The following NUP188 variants were observed in gnomAD, a reference collection of about 807,000 sequenced individuals.
The protein encoded by NUP188 is nucleoporin NUP188.
A neutral mutation model predicts 223.0 loss-of-function variants in NUP188; 97 were observed. The observed-to-expected ratio is 0.43, with a 90% CI of 0.37 to 0.51. The LOEUF (loss-of-function observed/expected upper bound fraction) is 0.51. NUP188 is among the 20% of genes least tolerant of loss of function. NUP188 has a pLI of 0.00. For missense variants in NUP188, 1,947 were observed against 2,175.6 expected, an observed-to-expected ratio of 0.89 and a Z score of 2.09; for synonymous variants, 869 against 828.0, an observed-to-expected ratio of 1.05 and a Z score of -0.85.
chr9:128,954,732 C>G (rs1841844932), intron 3 of NUP188, among the ~76,000 whole-genome samples: 1 of 151,940 alleles, frequency 6.6e-6, no homozygotes, highest in South Asian at 2.1e-4. Flanking sequence ...TGACCTTGAA[C>G]AAGTTTGAGG....
chr9:128,950,934 G>C (rs182490227), intron 2 of NUP188, among the ~76,000 whole-genome samples: 6 of 152,258 alleles, frequency 3.9e-5, no homozygotes, highest in African/African-American at 7.2e-5. Flanking sequence ...GTATTTCATT[G>C]ATTCCTTTTA....
In NUP188 at chr9:128,958,835, A is replaced by G; in HGVS notation, c.406A>G (p.Ile136Val). Reference sequence around the variant, plus strand: ...TTATTATTATGAAGAAAGAACCTGTATTCTTCGTTGTGTCTTACACCTTCT... The same window carrying G: ...TTATTATTATGAAGAAAGAACCTGTGTTCTTCGTTGTGTCTTACACCTTCT... ...ADYYYEERTC[I>V]LRCVLHLLTY... Residue 136 changes from isoleucine (I) to valine (V), a missense_variant, in exon 7 of 44, where the codon ATT becomes GTT. By Grantham distance (29) the Ile-to-Val change is conservative. Transcript: ENST00000372577. 1 of 1,598,228 alleles carries G rather than the reference A, an allele frequency of 6.3e-7. No individual in the cohort carries two copies. The highest frequency in any genetic ancestry group is 8.5e-7 in the Non-Finnish European group (1 of 1,170,454).
chr9:128,954,447 C>T (rs1241619497), intron 3 of NUP188, among the ~76,000 whole-genome samples: 2 of 148,950 alleles, frequency 1.3e-5, no homozygotes, highest in East Asian at 2.0e-4. Context: ...TGCAGTGGCA[C>T]GATCTCGGCT....
chr9:129,001,859 AT>A (rs1457204854), intron 35 of NUP188, 24 bp from the exon 36 acceptor site: 2 of 1,611,074 alleles, frequency 1.2e-6, no homozygotes, highest in Non-Finnish European at 1.7e-6. Context: ...GCTCCATCTC[AT>A]TTCCTGTCTT....
rs1207148093 is a variant in NUP188 at position 129,006,779 on chromosome 9, C to T, written c.*101C>T. 4.1e-6 allele frequency: 5 copies of T among 1,232,672 alleles called. No individual in the cohort carries two copies. In the African/African-American group the frequency reaches 7.6e-5, roughly 19 times the overall value. 76.4% of individuals were successfully genotyped at this position (1,232,672 alleles called of 1,614,324 possible). A position where few individuals can be genotyped will look rare whatever the true frequency, so the allele number is the denominator to read the frequency against. ...GCTAGGGCCTATACAATGGAGGGCA[C>T]CTCCTGTCACCCCCCTCCCGGAGTA... On this transcript the variant is annotated 3_prime_UTR_variant, in exon 44 of 44. Transcript: ENST00000372577.
At chr9:128,998,853 ATT>A (rs966507425) in intron 32 of NUP188, among the ~76,000 whole-genome samples, 1 of 127,092 alleles carries the variant, frequency 7.9e-6, no homozygotes, top group African/African-American at 2.8e-5. Flanking sequence ...CCCACCCCGT[ATT>A]CTTTTTTTTT....
At chr9:128,959,527 C>CTTTTT (rs1303364478) in intron 8 of NUP188, among the ~76,000 whole-genome samples, 45 of 123,878 alleles carry the variant, frequency 3.6e-4, no homozygotes, top group East Asian at 2.8e-3. Context: ...TACAGATTAT[C>CTTTTT]TTTTTTTTTT....
chr9:128,965,598 G>A (rs940561774), intron 8 of NUP188, among the ~76,000 whole-genome samples: 1 of 151,956 alleles, frequency 6.6e-6, no homozygotes, highest in Non-Finnish European at 1.5e-5. Context: ...GAGTACAGGT[G>A]TGCACTATTA....
intron 1 of NUP188, 109 bp downstream of exon 1, chr9:128,947,860 C>A: frequency 9.1e-7 from 1 of 1,102,100 alleles, no homozygotes; most frequent in Non-Finnish European, 1.2e-6. Flanking sequence ...GCAGGGCCAA[C>A]CCCGGCTGGA....
At chr9:128,981,442 TTGCTCTGTCACCCAAGC>T in intron 15 of NUP188, 52 bp downstream of exon 15, 2 of 1,553,174 alleles carry the variant, frequency 1.3e-6, no homozygotes, top group East Asian at 4.5e-5. Flanking sequence ...TTTTGATGTC[TTGCTCTGTCACCCAAGC>T]TGGAGTGCAG....
intron 34 of NUP188, among the ~76,000 whole-genome samples, chr9:129,000,754 A>T (rs1842637208): frequency 6.6e-6 from 1 of 151,574 alleles, no homozygotes; most frequent in Admixed American, 6.6e-5. Flanking sequence ...AAAAGTCTTT[A>T]TGGGCCGGGC....
intron 10 of NUP188, 43 bp downstream of exon 10, chr9:128,969,557 T>G: frequency 1.0e-5 from 11 of 1,090,022 alleles, no homozygotes; most frequent in Non-Finnish European, 1.4e-5. Context: ...GTTTATAAGT[T>G]AGTAGTAGCT....
At chr9:128,966,260 CTGTGTGTGTGTGTGTG>C (rs10616823) in intron 8 of NUP188, among the ~76,000 whole-genome samples, 1 of 139,554 alleles carries the variant, frequency 7.2e-6, no homozygotes, top group African/African-American at 2.7e-5. Context: ...GTCTCTGTGT[CTGTGTGTGTGTGTGTG>C]TGTGTGTGTG....
At chr9:128,994,800 CT>C in intron 28 of NUP188, 55 bp from the exon 29 acceptor site, 1 of 1,394,640 alleles carries the variant, frequency 7.2e-7, no homozygotes, top group Non-Finnish European at 1.0e-6. Flanking sequence ...GTTTGATATA[CT>C]GGGGGAGATC....
chr9:128,999,911 G>A, intron 34 of NUP188, 106 bp downstream of exon 34: 1 of 1,059,664 alleles, frequency 9.4e-7, no homozygotes, highest in Non-Finnish European at 1.4e-6. Context: ...CTGCACTTCT[G>A]GAGTTCACGG....
At chr9:128,987,088 A>AGAGAGAGAGTGTGT (rs1450678206) in intron 22 of NUP188, among the ~76,000 whole-genome samples, 2 of 113,342 alleles carry the variant, frequency 1.8e-5, no homozygotes, top group Non-Finnish European at 1.8e-5. Flanking sequence ...AGAGAGAGAG[A>AGAGAGAGAGTGTGT]GTGTGTGTGT....
chr9:128,948,970 C>A (rs989026143), intron 1 of NUP188: 2 of 381,542 alleles, frequency 5.2e-6, no homozygotes. Flanking sequence ...CATGATCCGC[C>A]CGCCTCGACC....
In NUP188 at chr9:129,006,814, C is replaced by T. The variant is rs940052925; in HGVS notation, c.*136C>T. 1 of 815,626 alleles carries T rather than the reference C, an allele frequency of 1.2e-6. No homozygotes were observed. The highest frequency in any genetic ancestry group is 1.7e-5 in the African/African-American group (1 of 57,282). 50.5% of individuals were successfully genotyped at this position (815,626 alleles called of 1,614,324 possible). ...CCCCCCTCCCGGAGTAGCCACGACT[C>T]CAGCCACCACCCACTGACGTTATTT... On this transcript the variant is annotated 3_prime_UTR_variant, in exon 44 of 44. Coordinates refer to ENST00000372577, the MANE Select transcript of NUP188 (RefSeq NM_015354.3).
chr9:128,968,938 A>G (rs1454079007), intron 9 of NUP188, among the ~76,000 whole-genome samples: 1 of 152,206 alleles, frequency 6.6e-6, no homozygotes, highest in African/African-American at 2.4e-5. Context: ...TCTTCATTTA[A>G]GGGGTTCATT....
Sources: allele counts gnomAD v4.1 joint callset (sites outside exome capture counted in the v4.1 genomes callset), GRCh38; gene constraint gnomAD v4.1.1; transcripts MANE v1.5; gene names NCBI Gene and HGNC (gene_info 2026-07-23, HGNC 2026-07-21).